The following DAB1 variants were observed in gnomAD, a reference collection of about 807,000 sequenced individuals.
DAB1 encodes disabled homolog 1.
Under a neutral mutation model 64.6 loss-of-function variants are expected in DAB1, and 15 were observed. The ratio of observed to expected loss-of-function variants is 0.23; its 90% CI spans 0.16 to 0.36. The LOEUF is 0.36. Ranked by LOEUF, DAB1 falls within the 10% of genes least tolerant of loss-of-function variation. The pLI is 1.00. For missense variants in DAB1, 596 were observed against 706.7 expected, an observed-to-expected ratio of 0.84 and a Z score of 1.78; for synonymous variants, 235 against 251.9, an observed-to-expected ratio of 0.93 and a Z score of 0.64.
At chr1:57,063,412 G>A (rs1346639587) in intron 8 of DAB1, among the ~76,000 whole-genome samples, 6 of 152,164 alleles carry the variant, frequency 3.9e-5, no homozygotes, top group Admixed American at 1.3e-4. Flanking sequence ...ACAAAGCACA[G>A]CTTCTACTGG....
upstream of DAB1, among the ~76,000 whole-genome samples, chr1:57,425,954 A>G (rs1216735080): frequency 1.3e-5 from 2 of 152,212 alleles, no homozygotes; most frequent in Non-Finnish European, 2.9e-5. Context: ...ACACATCTCA[A>G]GAGTCTAAAC....
chr1:57,706,749 T>C (rs939085695), intron 6 of DAB1, among the ~76,000 whole-genome samples: 2 of 152,104 alleles, frequency 1.3e-5, no homozygotes, highest in East Asian at 1.9e-4. Flanking sequence ...TTTTATCACG[T>C]GTGAATTCAT....
intron 7 of DAB1, among the ~76,000 whole-genome samples, chr1:57,522,283 A>G (rs527743487): frequency 1.3e-5 from 2 of 152,292 alleles, no homozygotes; most frequent in South Asian, 4.1e-4. Context: ...CAGTCAGGTG[A>G]CCAGTACTCT....
intron 5 of DAB1, among the ~76,000 whole-genome samples, chr1:58,008,018 T>C (rs1646611983): frequency 6.6e-6 from 1 of 152,170 alleles, no homozygotes; most frequent in African/African-American, 2.4e-5. Flanking sequence ...CATACAAATA[T>C]TCTACTCTTC....
Position 58,006,872 on chromosome 1 carries a change from A to C in DAB1, n.388-122710T>G, listed in dbSNP as rs530582841. Among the ~76,000 whole-genome samples the C allele has an allele frequency of 2.0e-5, 3 of 152,324 alleles. No individual in the cohort carries two copies. In the East Asian group the frequency reaches 5.8e-4, roughly 29 times the overall value. On this transcript the variant is annotated intron_variant and non_coding_transcript_variant, in intron 5 of 20. Coordinates refer to the DAB1 transcript ENST00000485760. Reference sequence around the variant, plus strand: ...GTTGCTCTTGTGCATTGTTATGCAAATGCTACACAAATTGGAGTCTTAAAT... The same window carrying C: ...GTTGCTCTTGTGCATTGTTATGCAACTGCTACACAAATTGGAGTCTTAAAT...
intron 6 of DAB1, among the ~76,000 whole-genome samples, chr1:57,785,259 A>T (rs1359373855): frequency 1.3e-5 from 2 of 152,186 alleles, no homozygotes; most frequent in Non-Finnish European, 2.9e-5. Flanking sequence ...ACTCTGATGG[A>T]TATGTGCAAG....
chr1:58,010,171 C>T (rs1048300563), intron 5 of DAB1, among the ~76,000 whole-genome samples: 8 of 151,932 alleles, frequency 5.3e-5, no homozygotes, highest in Non-Finnish European at 1.0e-4. Context: ...AGCATTATGC[C>T]CATTCCCTCA....
intron 5 of DAB1, among the ~76,000 whole-genome samples, chr1:58,114,777 C>T (rs1260095795): frequency 6.6e-6 from 1 of 152,202 alleles, no homozygotes; most frequent in Admixed American, 6.5e-5. Context: ...TCTTCTCCCT[C>T]GTCATCCCCT....
chr1:57,375,630 A>G (rs1344406186), intron 1 of DAB1, among the ~76,000 whole-genome samples: 2 of 152,120 alleles, frequency 1.3e-5, no homozygotes, highest in Non-Finnish European at 2.9e-5. Flanking sequence ...ATAGAGCCCA[A>G]ACTCTGAACC....
intron 1 of DAB1, among the ~76,000 whole-genome samples, chr1:57,350,750 AAAT>A (rs964758478): frequency 7.9e-5 from 12 of 152,128 alleles, no homozygotes; most frequent in African/African-American, 2.9e-4. Flanking sequence ...TTCAAAAAAA[AAAT>A]AGCTATTCAA....
intron 9 of DAB1, among the ~76,000 whole-genome samples, chr1:57,045,848 A>G (rs4912423): frequency 0.5 from 76,524 of 152,068 alleles, 19,511 homozygotes; most frequent in African/African-American, 0.58. Flanking sequence ...ATATGCTGAC[A>G]GAACTTCTAT....
intron 14 of DAB1, among the ~76,000 whole-genome samples, chr1:57,008,802 T>G (rs753374012): frequency 1.3e-5 from 2 of 152,204 alleles, no homozygotes; most frequent in Non-Finnish European, 2.9e-5. Flanking sequence ...AAGCCCCTTC[T>G]AGCAGATGAA....
At chr1:57,025,874 A>C (rs908241699) in intron 10 of DAB1, 107 bp downstream of exon 10, 2 of 855,456 alleles carry the variant, frequency 2.3e-6, no homozygotes, top group African/African-American at 3.5e-5. Context: ...TCAACACTGA[A>C]ATCCACCAGC....
intron 3 of DAB1, among the ~76,000 whole-genome samples, chr1:58,453,279 G>C (rs1179435466): frequency 6.6e-6 from 1 of 152,142 alleles, no homozygotes; most frequent in Non-Finnish European, 1.5e-5. Context: ...GGGGTGACAG[G>C]CTCCTCTGTG....
chr1:57,750,268 CA>C (rs1483940482), intron 6 of DAB1, among the ~76,000 whole-genome samples: 1 of 152,166 alleles, frequency 6.6e-6, no homozygotes, highest in Non-Finnish European at 1.5e-5. Context: ...TCCAGGCTCT[CA>C]AAAATGTCCT....
intron 4 of DAB1, among the ~76,000 whole-genome samples, chr1:58,179,933 TA>T (rs1437705804): frequency 6.6e-6 from 1 of 151,710 alleles, no homozygotes; most frequent in African/African-American, 2.4e-5. Flanking sequence ...AAAAAAACAA[TA>T]AAAAAACAAC....
In DAB1 at chr1:57,013,976, C is replaced by T. The variant is rs41286860; in HGVS notation, c.1444+907G>A. Among the ~76,000 whole-genome samples, 248 of 152,296 alleles carry T rather than the reference C, an allele frequency of 1.6e-3. 1 individual carries two copies. The highest frequency in any genetic ancestry group is 1.9e-3 in the Non-Finnish European group (132 of 68,022). On this transcript the variant is annotated intron_variant, in intron 12 of 14. Transcript: ENST00000371236. ...AAAACTGAGTCTCAGAGAAGTCATA[C>T]GCTTGCCCAAAGACACAGCTTGTGG...
chr1:57,752,111 G>A (rs1201117211), intron 6 of DAB1, among the ~76,000 whole-genome samples: 6 of 152,190 alleles, frequency 3.9e-5, no homozygotes, highest in Admixed American at 1.3e-4. Flanking sequence ...GAGTTCAGGC[G>A]CGGATTCAAA....
intron 5 of DAB1, among the ~76,000 whole-genome samples, chr1:58,102,115 C>A (rs1651355384): frequency 6.6e-6 from 1 of 152,198 alleles, no homozygotes; most frequent in Admixed American, 6.5e-5. Flanking sequence ...TATTGGGGCA[C>A]AGAAAGGTTA....
Sources: gnomAD v4.1 joint callset for allele counts (sites outside exome capture counted in the v4.1 genomes callset) on GRCh38, gnomAD v4.1.1 for gene constraint, MANE v1.5 for transcripts, NCBI Gene and HGNC (gene_info 2026-07-23, HGNC 2026-07-21) for gene names.